The following PDE7B variants were observed in gnomAD, a reference collection of about 807,000 sequenced individuals.
PDE7B encodes 3',5'-cyclic-AMP phosphodiesterase 7B.
A neutral mutation model predicts 56.2 loss-of-function variants in PDE7B; 29 were observed. The observed-to-expected ratio is 0.52, with a 90% CI of 0.38 to 0.70. The LOEUF (loss-of-function observed/expected upper bound fraction) is 0.70. PDE7B is among the 30% of genes least tolerant of loss of function. PDE7B has a pLI of 0.00. For synonymous variants in PDE7B, 197 were observed against 196.9 expected (o/e 1.00, Z 0.00); for missense variants, 490 against 565.0 (o/e 0.87, Z 1.35).
intron 3 of PDE7B, among the ~76,000 whole-genome samples, chr6:136,129,821 C>T (rs961286565): frequency 1.3e-5 from 2 of 152,180 alleles, no homozygotes; most frequent in African/African-American, 4.8e-5. Context: ...CCTTCAGACA[C>T]AGCAATTAAA....
At chr6:135,874,448 A>AGTGACAGAC (rs1775452528) in intron 1 of PDE7B, among the ~76,000 whole-genome samples, 2 of 152,192 alleles carry the variant, frequency 1.3e-5, no homozygotes, top group African/African-American at 4.8e-5. Flanking sequence ...GTCCATTTCT[A>AGTGACAGAC]AATATTTTAT....
intron 1 of PDE7B, among the ~76,000 whole-genome samples, chr6:135,881,909 C>G (rs1775618451): frequency 1.3e-5 from 2 of 152,236 alleles, no homozygotes; most frequent in Admixed American, 6.5e-5. Context: ...GTGTTGGAAA[C>G]AAACTTGAGA....
chr6:135,987,931 G>A (rs751510318), intron 2 of PDE7B, among the ~76,000 whole-genome samples: 1 of 152,104 alleles, frequency 6.6e-6, no homozygotes, highest in Non-Finnish European at 1.5e-5. Flanking sequence ...AATGAATTTA[G>A]GTGGGGCAAA....
At chr6:135,924,990 T>G (rs944950808) in intron 1 of PDE7B, among the ~76,000 whole-genome samples, 1 of 127,646 alleles carries the variant, frequency 7.8e-6, no homozygotes, top group Non-Finnish European at 1.6e-5. Context: ...ATTTCTATAT[T>G]TGGGTGTTTT....
intron 1 of PDE7B, among the ~76,000 whole-genome samples, chr6:135,935,984 T>A (rs6913992): frequency 0.51 from 78,200 of 152,058 alleles, 20,489 homozygotes; most frequent in East Asian, 0.67. Context: ...TTAAACAACA[T>A]GCCCTTCTCC....
chr6:136,183,348 C>T (rs948961446), intron 11 of PDE7B, among the ~76,000 whole-genome samples: 125 of 151,964 alleles, frequency 8.2e-4, no homozygotes, highest in Admixed American at 3.7e-3. Flanking sequence ...AATCCCAAGA[C>T]TTTGGGAGGC....
At chr6:135,889,950 AC>A (rs546147124) in intron 1 of PDE7B, among the ~76,000 whole-genome samples, 83 of 126,748 alleles carry the variant, frequency 6.5e-4, no homozygotes, top group African/African-American at 2.4e-3. Flanking sequence ...ACGGGGTTTC[AC>A]CATGTTGATC....
intron 3 of PDE7B, among the ~76,000 whole-genome samples, chr6:136,119,317 T>C (rs1254431544): frequency 6.6e-6 from 1 of 152,238 alleles, no homozygotes; most frequent in African/African-American, 2.4e-5. Flanking sequence ...TAGATGATTA[T>C]TGTTCTTCTG....
chr6:136,011,154 C>A, intron 2 of PDE7B, among the ~76,000 whole-genome samples: 1 of 152,042 alleles, frequency 6.6e-6, no homozygotes, highest in Non-Finnish European at 1.5e-5. Context: ...CCCTTTCTCC[C>A]CATCAAAAAA....
chr6:135,877,062 C>A (rs1019705516), intron 1 of PDE7B, among the ~76,000 whole-genome samples: 1 of 145,794 alleles, frequency 6.9e-6, no homozygotes, highest in African/African-American at 2.8e-5. Context: ...CTAGAAGATA[C>A]ATTTGTTCTT....
At chr6:135,858,920 GAAAATTATACTATA>G (rs1412659597) in intron 1 of PDE7B, among the ~76,000 whole-genome samples, 1 of 152,026 alleles carries the variant, frequency 6.6e-6, no homozygotes, top group African/African-American at 2.4e-5. Context: ...ACTTTTAAAG[GAAAATTATACTATA>G]ATATCAGTTA....
Position 136,129,303 on chromosome 6 carries a change from T to A in PDE7B, c.167-18048T>A, listed in dbSNP as rs78070959. The stretch of plus-strand genomic sequence containing the variant: ...GACTCCGTGTACAGCAATAGGATGG[T>A]GCTAAGTCTCATCTATGTGGAGATG... On this transcript the variant is annotated intron_variant, in intron 3 of 12. Transcript: ENST00000308191. Among the ~76,000 whole-genome samples the A allele has an allele frequency of 5.0e-3, 765 of 152,272 alleles. 11 individuals carry two copies. The highest frequency in any genetic ancestry group is 0.017 in the African/African-American group (727 of 41,562).
At chr6:135,988,004 C>A (rs1037874065) in intron 2 of PDE7B, among the ~76,000 whole-genome samples, 2 of 152,140 alleles carry the variant, frequency 1.3e-5, no homozygotes, top group African/African-American at 4.8e-5. Flanking sequence ...CACAGAGCCC[C>A]AAGGGAGACT....
intron 1 of PDE7B, among the ~76,000 whole-genome samples, chr6:135,944,579 T>G (rs1246536713): frequency 2.0e-5 from 3 of 152,098 alleles, no homozygotes; most frequent in Non-Finnish European, 4.4e-5. Flanking sequence ...TCATTGTCAT[T>G]GGAAGGGCCA....
chr6:136,179,212 A>G (rs1156260442), intron 10 of PDE7B, 71 bp downstream of exon 10: 3 of 1,405,740 alleles, frequency 2.1e-6, no homozygotes, highest in Non-Finnish European at 3.0e-6. Context: ...GTGGTGGCTC[A>G]CATCTGTAGT....
At chr6:136,147,554 G>A (rs754641026) in intron 4 of PDE7B, 52 bp downstream of exon 4, 26 of 1,523,480 alleles carry the variant, frequency 1.7e-5, no homozygotes, top group Non-Finnish European at 2.4e-5. Context: ...AAGAGCATGT[G>A]CCTCAGCTGA....
chr6:136,151,753 GTGAAACCC>G (rs1294445734), intron 6 of PDE7B, among the ~76,000 whole-genome samples: 1 of 152,104 alleles, frequency 6.6e-6, no homozygotes, highest in East Asian at 1.9e-4. Flanking sequence ...GGCCAGCACA[GTGAAACCC>G]TGTCTCTACT....
rs971199404 is a variant in PDE7B at position 135,915,579 on chromosome 6, G to A, written c.22-31885G>A. On this transcript the variant is annotated intron_variant, in intron 1 of 12. Coordinates refer to ENST00000308191, the MANE Select transcript of PDE7B (RefSeq NM_018945.4). Reference sequence around the variant, plus strand: ...TTTTGGGGGGTATAATTCGTATACTGTACAATGTTCTCATGTGTCAAAGTT... The same window carrying A: ...TTTTGGGGGGTATAATTCGTATACTATACAATGTTCTCATGTGTCAAAGTT... 1.4e-4 allele frequency among the ~76,000 whole-genome samples: 21 copies of A among 152,150 alleles called. No individual in the cohort carries two copies. The East Asian group carries it at 3.9e-3, about 28-fold the overall frequency.
At chr6:136,091,119 C>T (rs556128313) in intron 2 of PDE7B, among the ~76,000 whole-genome samples, 157 of 152,244 alleles carry the variant, frequency 1.0e-3, no homozygotes, top group African/African-American at 3.0e-3. Flanking sequence ...CATGTGGGTT[C>T]GGTTACAAAG....
Sources: allele counts gnomAD v4.1 joint callset (sites outside exome capture counted in the v4.1 genomes callset), GRCh38; gene constraint gnomAD v4.1.1; transcripts MANE v1.5; gene names NCBI Gene and HGNC (gene_info 2026-07-23, HGNC 2026-07-21).